GPHN: variants seen among roughly 807,000 people sequenced by gnomAD.
GPHN encodes gephyrin.
Under a neutral mutation model 95.5 loss-of-function variants are expected in GPHN, and 17 were observed. The ratio of observed to expected loss-of-function variants is 0.18; its 90% CI spans 0.12 to 0.27. GPHN has a LOEUF of 0.27. GPHN is among the 10% of genes least tolerant of loss of function. The probability of loss-of-function intolerance (pLI) is 1.00; values close to 1 mark genes in which losing one functional copy is unlikely to be tolerated. For missense variants in GPHN, 660 were observed against 978.1 expected (o/e 0.67, Z 4.34); for synonymous variants, 320 against 322.5 (o/e 0.99, Z 0.08).
chr14:67,224,837 A>C, the GPHN span: 1 of 298,230 alleles, frequency 3.4e-6, no homozygotes, highest in Non-Finnish European at 6.2e-6. Flanking sequence ...AATCCTAAGC[A>C]GCCAGGTTCA....
chr14:67,480,201 T>C, the GPHN span, among the ~76,000 whole-genome samples: 1 of 152,120 alleles, frequency 6.6e-6, no homozygotes, highest in Non-Finnish European at 1.5e-5. Context: ...CACCGCCTCT[T>C]ACCCGATGCA....
At chr14:67,219,784 C>T in the GPHN span, among the ~76,000 whole-genome samples, 3 of 152,116 alleles carry the variant, frequency 2.0e-5, no homozygotes, top group Admixed American at 6.6e-5. Flanking sequence ...CAGCTCCCTA[C>T]GCCATTTATC....
At chr14:66,991,735 G>T (rs530965183) in intron 9 of GPHN, among the ~76,000 whole-genome samples, 1 of 151,744 alleles carries the variant, frequency 6.6e-6, no homozygotes, top group Non-Finnish European at 1.5e-5. Flanking sequence ...AGCCAGGCAT[G>T]GTGGCATATG....
intron 2 of GPHN, among the ~76,000 whole-genome samples, chr14:66,765,525 A>G (rs1019505727): frequency 1.3e-5 from 2 of 152,288 alleles, no homozygotes; most frequent in South Asian, 4.1e-4. Context: ...CAGAAAACCA[A>G]ATGCCGTATG....
chr14:66,868,802 A>C (rs1233633427), intron 4 of GPHN, among the ~76,000 whole-genome samples: 8 of 152,142 alleles, frequency 5.3e-5, no homozygotes, highest in Non-Finnish European at 1.2e-4. Context: ...AGATACCTGA[A>C]TTACTGAATC....
intron 6 of GPHN, among the ~76,000 whole-genome samples, chr14:66,916,681 G>C (rs775127399): frequency 6.6e-6 from 1 of 152,036 alleles, no homozygotes; most frequent in Non-Finnish European, 1.5e-5. Context: ...TAGATTGTGT[G>C]GTGGCCAAAG....
intron 5 of GPHN, among the ~76,000 whole-genome samples, chr14:66,904,819 C>T (rs1449126114): frequency 2.0e-5 from 3 of 152,066 alleles, no homozygotes; most frequent in Non-Finnish European, 4.4e-5. Flanking sequence ...ATTTGGGGTT[C>T]CATTGGTAAG....
intron 1 of GPHN, chr14:66,509,020 C>T (rs552583659): frequency 1.1e-3 from 270 of 239,266 alleles, no homozygotes; most frequent in Non-Finnish European, 5.0e-4. Context: ...CCACCCCCTT[C>T]CTCTCCTTCC....
At chr14:67,344,478 A>G in the GPHN span, among the ~76,000 whole-genome samples, 3 of 152,250 alleles carry the variant, frequency 2.0e-5, no homozygotes, top group African/African-American at 4.8e-5. Flanking sequence ...TAACCTAGAT[A>G]TATACTAACT....
the GPHN span, chr14:67,705,881 C>A: frequency 6.6e-6 from 1 of 151,988 alleles, no homozygotes; most frequent in East Asian, 1.9e-4. Context: ...GGAGGAGGCA[C>A]TCAAAAAGTA....
the GPHN span, among the ~76,000 whole-genome samples, chr14:67,580,647 G>A: frequency 6.6e-6 from 1 of 152,252 alleles, no homozygotes; most frequent in Admixed American, 6.5e-5. Flanking sequence ...TGGAGCTGGT[G>A]TTCGAAGGCC....
chr14:66,614,639 G>C (rs2062927255), intron 1 of GPHN, among the ~76,000 whole-genome samples: 2 of 146,800 alleles, frequency 1.4e-5, no homozygotes, highest in South Asian at 4.3e-4. Context: ...GAATAGAAAT[G>C]ATAATAGTGC....
chr14:67,578,647 C>G, the GPHN span: 1 of 1,513,446 alleles, frequency 6.6e-7, no homozygotes, highest in Non-Finnish European at 9.1e-7. The surrounding 1 kb of genome is among the most constrained non-coding windows in gnomAD (Gnocchi z 5.0). Context: ...TGAACCTGGC[C>G]GTTTCCTCTG....
the GPHN span, among the ~76,000 whole-genome samples, chr14:67,416,298 T>A: frequency 3.9e-5 from 6 of 152,328 alleles, no homozygotes; most frequent in South Asian, 1.2e-3. Context: ...GGCTGAGCCC[T>A]GCTACCTGGG....
At chr14:67,029,648 C>A (rs2074093897) in intron 10 of GPHN, among the ~76,000 whole-genome samples, 1 of 152,150 alleles carries the variant, frequency 6.6e-6, no homozygotes, top group South Asian at 2.1e-4. Context: ...TATCATTATT[C>A]TTTAGCGTAA....
At chr14:67,408,375 T>C in the GPHN span, among the ~76,000 whole-genome samples, 1 of 147,750 alleles carries the variant, frequency 6.8e-6, no homozygotes, top group African/African-American at 2.6e-5. Flanking sequence ...AAAACAAAGA[T>C]GGGATGATAC....
At chr14:66,976,653 A>G (rs1567172084) in intron 9 of GPHN, among the ~76,000 whole-genome samples, 1 of 152,192 alleles carries the variant, frequency 6.6e-6, no homozygotes, top group African/African-American at 2.4e-5. Flanking sequence ...TGAATATTTC[A>G]GTGAATATTT....
At chr14:66,879,898 G>T (rs1213524271) in intron 4 of GPHN, 41 bp from the exon 5 acceptor site, 1 of 1,242,734 alleles carries the variant, frequency 8.0e-7, no homozygotes, top group East Asian at 2.3e-5. Flanking sequence ...ATTCTTTTTT[G>T]GCTTATTTCA....
At chr14:66,562,518 A>T (rs1174857595) in intron 1 of GPHN, among the ~76,000 whole-genome samples, 2 of 152,162 alleles carry the variant, frequency 1.3e-5, no homozygotes, top group African/African-American at 2.4e-5. Flanking sequence ...CAAATTTATT[A>T]ACATGTGGAT....
Sources: allele counts gnomAD v4.1 joint callset (sites outside exome capture counted in the v4.1 genomes callset), GRCh38; gene constraint gnomAD v4.1.1; non-coding constraint Gnocchi (gnomAD v3.1); transcripts MANE v1.5; gene names NCBI Gene and HGNC (gene_info 2026-07-23, HGNC 2026-07-21).